The following RAPGEF1 variants were observed in gnomAD, a reference collection of about 807,000 sequenced individuals.
RAPGEF1 encodes the protein Rap guanine nucleotide exchange factor 1.
In RAPGEF1, 33 loss-of-function variants were observed where a neutral mutation model predicts 143.3. The observed-to-expected ratio is 0.23, with a 90% CI of 0.17 to 0.31. RAPGEF1 has a LOEUF of 0.31. Ranked by LOEUF, RAPGEF1 falls within the 10% of genes least tolerant of loss-of-function variation. The pLI, the probability that RAPGEF1 is intolerant of heterozygous loss-of-function variation, is 1.00. For missense variants in RAPGEF1, 1,199 were observed against 1,645.4 expected, an observed-to-expected ratio of 0.73 and a Z score of 4.69; for synonymous variants, 629 against 676.5, an observed-to-expected ratio of 0.93 and a Z score of 1.09.
At chr9:131,662,890 A>C (rs989715143) in intron 1 of RAPGEF1, among the ~76,000 whole-genome samples, 1 of 151,960 alleles carries the variant, frequency 6.6e-6, no homozygotes, top group African/African-American at 2.4e-5. Context: ...GCTGGTCTCG[A>C]GCTCCTGGGC....
chr9:131,683,434 A>T (rs1215393575), intron 1 of RAPGEF1, among the ~76,000 whole-genome samples: 4 of 152,284 alleles, frequency 2.6e-5, no homozygotes, highest in Non-Finnish European at 5.9e-5. Flanking sequence ...GGAGAATGTT[A>T]ACTGACTTAA....
intron 1 of RAPGEF1, among the ~76,000 whole-genome samples, chr9:131,700,019 C>A (rs1210782286): frequency 6.6e-6 from 1 of 152,174 alleles, no homozygotes; most frequent in Admixed American, 6.5e-5. Context: ...ACCCACACAG[C>A]CCCAATCATC....
At chr9:131,634,370 C>T (rs1965752951) in intron 5 of RAPGEF1, among the ~76,000 whole-genome samples, 1 of 152,136 alleles carries the variant, frequency 6.6e-6, no homozygotes, top group Non-Finnish European at 1.5e-5. Flanking sequence ...GGAAAAGTAG[C>T]TCTCCAAATA....
chr9:131,614,910 C>T (rs2132703446), intron 12 of RAPGEF1, among the ~76,000 whole-genome samples: 1 of 151,454 alleles, frequency 6.6e-6, no homozygotes, highest in South Asian at 2.1e-4. Context: ...CTTGGGTCTG[C>T]TAGCAGTTTT....
At chr9:131,631,169 CCTT>C (rs144080765) in intron 5 of RAPGEF1, among the ~76,000 whole-genome samples, 37,448 of 151,918 alleles carry the variant, frequency 0.25, 5,031 homozygotes, top group Non-Finnish European at 0.3. Flanking sequence ...TTTGTGTCAA[CCTT>C]CTTTTTAAAA....
At chr9:131,637,179 C>T (rs1966593673) in intron 5 of RAPGEF1, among the ~76,000 whole-genome samples, 1 of 151,056 alleles carries the variant, frequency 6.6e-6, no homozygotes, top group South Asian at 2.1e-4. Flanking sequence ...GAGCCGAGAT[C>T]GCACCACTGC....
intron 3 of RAPGEF1, among the ~76,000 whole-genome samples, chr9:131,646,977 A>G (rs1391201770): frequency 6.6e-6 from 1 of 152,112 alleles, no homozygotes; most frequent in Non-Finnish European, 1.5e-5. Context: ...AATCCACCCA[A>G]GAGCACTCGG....
intron 13 of RAPGEF1, among the ~76,000 whole-genome samples, chr9:131,604,650 C>T (rs1292875447): frequency 1.3e-5 from 2 of 152,238 alleles, no homozygotes; most frequent in Non-Finnish European, 2.9e-5. Flanking sequence ...TAAATGGCCA[C>T]TAATCCATTT....
intron 1 of RAPGEF1, among the ~76,000 whole-genome samples, chr9:131,689,657 G>A (rs371303701): frequency 2.0e-5 from 3 of 152,062 alleles, no homozygotes; most frequent in South Asian, 4.1e-4. Flanking sequence ...TCTTGCCTCA[G>A]CCTCCCGAGT....
chr9:131,725,947 G>C (rs10901082), intron 1 of RAPGEF1, among the ~76,000 whole-genome samples: 42,037 of 151,508 alleles, frequency 0.28, 6,337 homozygotes, highest in Non-Finnish European at 0.34. Context: ...TTTTAGTAGA[G>C]ACGGGGTTTC....
chr9:131,679,637 G>A (rs1346802995), intron 1 of RAPGEF1, among the ~76,000 whole-genome samples: 5 of 152,214 alleles, frequency 3.3e-5, no homozygotes, highest in African/African-American at 7.2e-5. Flanking sequence ...TCAGGGGTCC[G>A]GGTCCACGCA....
rs2132243120 is a variant in RAPGEF1 at position 131,588,989 on chromosome 9, G to A, written c.2868-3C>T. ...TCTCTTCTGTCAACTCCACCAGGCTGAAGGACAAAAGAGCACAAGGTGAGG... is the reference window on the plus strand; with the variant it reads ...TCTCTTCTGTCAACTCCACCAGGCTAAAGGACAAAAGAGCACAAGGTGAGG... On this transcript the variant is annotated splice_region_variant and splice_polypyrimidine_tract_variant and intron_variant, in intron 19 of 26. Coordinates refer to ENST00000683357, the MANE Select transcript of RAPGEF1 (RefSeq NM_001377935.1). 1 of 1,612,406 alleles carries A rather than the reference G, an allele frequency of 6.2e-7. No individual in the cohort carries two copies. The highest frequency in any genetic ancestry group is 8.5e-7 in the Non-Finnish European group (1 of 1,179,010).
chr9:131,605,300 C>A, intron 12 of RAPGEF1, 112 bp from the exon 13 acceptor site: 8 of 1,004,398 alleles, frequency 8.0e-6, no homozygotes, highest in Non-Finnish European at 9.2e-6. Flanking sequence ...ATAACTTAGT[C>A]TAACGGGCCA....
intron 12 of RAPGEF1, among the ~76,000 whole-genome samples, chr9:131,616,038 G>A (rs1286657692): frequency 2.0e-5 from 3 of 152,122 alleles, no homozygotes; most frequent in Non-Finnish European, 2.9e-5. Context: ...AGGCCGAGGT[G>A]GGCAGATCAC....
chr9:131,630,303 C>T lies in RAPGEF1; in HGVS notation c.673G>A (p.Glu225Lys), dbSNP rs745352448. 4 of 1,613,880 alleles carry T rather than the reference C, an allele frequency of 2.5e-6. No homozygotes were observed. The highest frequency in any genetic ancestry group is 3.4e-6 in the Non-Finnish European group (4 of 1,179,848). ...GVKELVRLTI[E>K]KQGRPSPTSP... is the part of the protein sequence containing the mutation. ...GTCGGAGACGGACGTCCCTGCTTCT[C>T]GATGGTGAGCCTGACCAGCTCCTAC... The change falls in exon 6 of 27, where the codon GAG becomes AAG. Residue 225 changes from glutamate to lysine, a missense_variant. By Grantham distance (56) the Glu-to-Lys change is moderately conservative. This residue lies in a region of RAPGEF1 where 613 missense variants were observed against 710.9 expected (regional missense o/e 0.86). Coordinates refer to ENST00000683357, the MANE Select transcript of RAPGEF1 (RefSeq NM_001377935.1).
intron 10 of RAPGEF1, among the ~76,000 whole-genome samples, chr9:131,622,552 T>C (rs917428720): frequency 1.3e-5 from 2 of 152,142 alleles, no homozygotes; most frequent in Non-Finnish European, 2.9e-5. Context: ...GGGGTCCAGG[T>C]ATAGAGGAAA....
In RAPGEF1 at chr9:131,653,393, T is replaced by C. The variant is rs117057188; in HGVS notation, c.62-2444A>G. On this transcript the variant is annotated intron_variant, in intron 1 of 26. Coordinates refer to ENST00000683357, the MANE Select transcript of RAPGEF1 (RefSeq NM_001377935.1). ...GCAGAGGCTGCAGAACCCACGGATA[T>C]GGAGGGTCAGCTATACCTGATAAGG... 1.3e-3 allele frequency among the ~76,000 whole-genome samples: 205 copies of C among 152,366 alleles called. 5 individuals carry two copies. In the East Asian group the frequency reaches 0.037, roughly 28 times the overall value.
chr9:131,718,143 G>A (rs1159456114), intron 1 of RAPGEF1, among the ~76,000 whole-genome samples: 3 of 152,186 alleles, frequency 2.0e-5, no homozygotes, highest in African/African-American at 7.2e-5. Context: ...CTTCTCAGCA[G>A]GTGCCCTACA....
intron 1 of RAPGEF1, among the ~76,000 whole-genome samples, chr9:131,685,057 G>A (rs1237479259): frequency 3.3e-5 from 5 of 152,278 alleles, no homozygotes; most frequent in Middle Eastern, 3.4e-3. Context: ...CACCACTGCC[G>A]TGAGTATTCC....
Sources: gnomAD v4.1 joint callset for allele counts (sites outside exome capture counted in the v4.1 genomes callset) on GRCh38, gnomAD v4.1.1 for gene constraint, gnomAD v4.1.1 regional missense constraint, MANE v1.5 for transcripts, NCBI Gene and HGNC (gene_info 2026-07-23, HGNC 2026-07-21) for gene names.